The following ZFHX3 variants were observed in gnomAD, a reference collection of about 807,000 sequenced individuals.
ZFHX3 encodes the protein zinc finger homeobox 3.
ZFHX3 carries 42 observed loss-of-function variants against 279.1 expected under a neutral mutation model. The observed-to-expected ratio is 0.15, with a 90% confidence interval of 0.12 to 0.19. The LOEUF (loss-of-function observed/expected upper bound fraction) is 0.19, where lower values mean the gene tolerates loss of function less well. Among genes scored for constraint, ZFHX3 ranks in the 10% least tolerant of loss-of-function variants. ZFHX3 has a pLI of 1.00. For missense variants in ZFHX3, 4,981 were observed against 4,754.0 expected, an observed-to-expected ratio of 1.05 and a Z score of -1.40; for synonymous variants, 2,293 against 1,957.8, an observed-to-expected ratio of 1.17 and a Z score of -4.52.
intron 2 of ZFHX3, among the ~76,000 whole-genome samples, chr16:73,603,248 G>A (rs1417832820): frequency 2.0e-5 from 3 of 149,630 alleles, no homozygotes; most frequent in African/African-American, 4.9e-5. Context: ...TTGCGACACT[G>A]CACTCCAGCC....
At chr16:73,483,350 A>AG (rs1190959596) in intron 2 of ZFHX3, 11 of 422,702 alleles carry the variant, frequency 2.6e-5, no homozygotes, top group Admixed American at 1.3e-4. Flanking sequence ...AGAGAGAGAG[A>AG]AAGAGAGAGA....
intron 1 of ZFHX3, among the ~76,000 whole-genome samples, chr16:73,729,685 T>C (rs1353376507): frequency 6.6e-6 from 1 of 152,202 alleles, no homozygotes; most frequent in Non-Finnish European, 1.5e-5. Context: ...CCCGCAATCT[T>C]GGCATACACA....
At chr16:73,389,126 C>T (rs1411563966) in intron 3 of ZFHX3, 1 of 152,216 alleles carries the variant, frequency 6.6e-6, no homozygotes, top group African/African-American at 2.4e-5. Flanking sequence ...TTAGCATAGC[C>T]TTTCCCCCTC....
At chr16:73,847,508 T>C (rs1187826310) in intron 1 of ZFHX3, among the ~76,000 whole-genome samples, 1 of 152,144 alleles carries the variant, frequency 6.6e-6, no homozygotes. Flanking sequence ...GTTGAATCTG[T>C]TCATAGTATA....
rs775158452 is a variant in ZFHX3, at chr16:73,340,901, T to C, written c.-1290-22565A>G. Among the ~76,000 whole-genome samples the C allele has an allele frequency of 3.3e-5, 5 of 152,072 alleles. No homozygotes were observed. In the South Asian group the frequency reaches 6.2e-4, roughly 19 times the overall value. ...GTCAATATCCACAGTCAATAGAAGA[T>C]TGATAAATTTGATTATATAACATTT... On this transcript the variant is annotated intron_variant, in intron 3 of 17. Coordinates refer to the ZFHX3 transcript ENST00000641206.
intron 1 of ZFHX3, among the ~76,000 whole-genome samples, chr16:73,022,001 C>T (rs190219990): frequency 1.3e-5 from 2 of 152,184 alleles, no homozygotes; most frequent in East Asian, 1.9e-4. Context: ...TCTCCGAAAG[C>T]CTTTCTTCAC....
chr16:73,405,793 G>C (rs2017347831), intron 3 of ZFHX3, among the ~76,000 whole-genome samples: 2 of 152,200 alleles, frequency 1.3e-5, no homozygotes, highest in African/African-American at 2.4e-5. Context: ...TTCAATGTAT[G>C]CTTAAAGTTT....
At chr16:73,831,985 C>A (rs558974721) in intron 1 of ZFHX3, among the ~76,000 whole-genome samples, 95 of 152,304 alleles carry the variant, frequency 6.2e-4, no homozygotes, top group African/African-American at 2.0e-3. Flanking sequence ...ACTGCAACCT[C>A]TGCCGCCCGG....
intron 1 of ZFHX3, among the ~76,000 whole-genome samples, chr16:73,042,037 A>G (rs1178342896): frequency 1.3e-5 from 2 of 152,144 alleles, no homozygotes; most frequent in Non-Finnish European, 2.9e-5. Flanking sequence ...GAAATAGGCC[A>G]CTCAGGAGAC....
At chr16:73,387,498 A>G (rs1391290166) in intron 3 of ZFHX3, among the ~76,000 whole-genome samples, 1 of 152,140 alleles carries the variant, frequency 6.6e-6, no homozygotes, top group African/African-American at 2.4e-5. Context: ...AGTCTGTGGC[A>G]GGGTTTTTTT....
intron 3 of ZFHX3, among the ~76,000 whole-genome samples, chr16:73,354,247 C>T (rs1359592317): frequency 6.6e-6 from 1 of 152,200 alleles, no homozygotes; most frequent in East Asian, 1.9e-4. Flanking sequence ...TCTTATATTT[C>T]ATCTGGCATC....
intron 3 of ZFHX3, among the ~76,000 whole-genome samples, chr16:72,910,155 A>C (rs1174044452): frequency 1.3e-5 from 2 of 152,202 alleles, no homozygotes; most frequent in Non-Finnish European, 2.9e-5. Flanking sequence ...AAGGTTATAC[A>C]CTTATTCAGA....
chr16:72,904,089 A>G lies in ZFHX3; in HGVS notation c.3217-14127T>C, dbSNP rs143553176. ...CCTGATTCATGGCAGGGACTTAAAA[A>G]CTGTAGTGGCTCACGCCTATAATCC... On this transcript the variant is annotated intron_variant, in intron 3 of 9. Transcript: ENST00000268489. Among the ~76,000 whole-genome samples, 268 of 152,198 alleles carry G rather than the reference A, an allele frequency of 1.8e-3. 1 individual carries two copies. The highest frequency in any genetic ancestry group is 2.9e-3 in the Non-Finnish European group (195 of 68,008).
At position 72,959,726 on chromosome 16, in the gene ZFHX3, G is replaced by A. The variant is rs140273758; in HGVS notation, c.420C>T (p.Ser140=). 337 of 1,613,438 alleles carry A rather than the reference G, an allele frequency of 2.1e-4. 3 individuals carry two copies. Among genetic ancestry groups the A allele is most frequent in the African/African-American group, 3.6e-4 (27 of 75,070 alleles). ...GGCTCAGGCTCTCCACAATGTACGC[G>A]GAGCCGTCCGGCTGGTAGACGATCT... ...AGEIVYQPDG[S]AYIVESLSQL... is the part of the protein sequence containing the mutation. Residue 140 remains serine, a synonymous_variant, in exon 2 of 10, where the codon TCC becomes TCT. Coordinates refer to ENST00000268489, the MANE Select transcript of ZFHX3 (RefSeq NM_006885.4).
At chr16:73,629,279 A>C (rs2052446695) in intron 2 of ZFHX3, among the ~76,000 whole-genome samples, 1 of 152,200 alleles carries the variant, frequency 6.6e-6, no homozygotes, top group Admixed American at 6.5e-5. Context: ...TATGGTATTC[A>C]GAAGGATCGA....
chr16:73,090,116 G>A (rs1018888256), intron 8 of ZFHX3, among the ~76,000 whole-genome samples: 5 of 152,228 alleles, frequency 3.3e-5, no homozygotes, highest in Admixed American at 6.5e-5. Context: ...CTGTGGGGCC[G>A]GGCTTGGTGG....
intron 2 of ZFHX3, among the ~76,000 whole-genome samples, chr16:73,506,476 G>A (rs1249796222): frequency 6.6e-6 from 1 of 152,200 alleles, no homozygotes; most frequent in Non-Finnish European, 1.5e-5. Flanking sequence ...TAGGTTAATA[G>A]AGTCCCACGG....
At chr16:73,458,475 A>C (rs1464767646) in intron 2 of ZFHX3, among the ~76,000 whole-genome samples, 1 of 151,812 alleles carries the variant, frequency 6.6e-6, no homozygotes, top group Admixed American at 6.6e-5. Context: ...TCCCGGGTTC[A>C]AGCAAATCTC....
chr16:72,883,840 T>G lies in ZFHX3; in HGVS notation c.3448+5891A>C, dbSNP rs577256178. Among the ~76,000 whole-genome samples, 30 of 152,352 alleles carry G rather than the reference T, an allele frequency of 2.0e-4. No individual in the cohort carries two copies. The South Asian group carries it at 2.1e-3, about 11-fold the overall frequency. Reference sequence around the variant, plus strand: ...TACATTTAACTTCTCTAGTTAAAAATACTTTAAGTTCCTATACCTTCCCCA... The same window carrying G: ...TACATTTAACTTCTCTAGTTAAAAAGACTTTAAGTTCCTATACCTTCCCCA... On this transcript the variant is annotated intron_variant, in intron 4 of 9. Transcript: ENST00000268489.
Sources: gnomAD v4.1 joint callset for allele counts (sites outside exome capture counted in the v4.1 genomes callset) on GRCh38, gnomAD v4.1.1 for gene constraint, MANE v1.5 for transcripts, NCBI Gene and HGNC (gene_info 2026-07-23, HGNC 2026-07-21) for gene names.